OR2H1: variants seen among roughly 807,000 people sequenced by gnomAD.
OR2H1 encodes olfactory receptor family 2 subfamily H member 1, also known as olfactory receptor 2H1.
For synonymous variants in OR2H1, 155 were observed against 155.2 expected (o/e 1.00, Z 0.01); for missense variants, 380 against 367.3 (o/e 1.03, Z -0.28).
chr6:29,461,871 C>T lies in OR2H1; in HGVS notation c.102C>T (p.Leu34=), dbSNP rs1307975967. ...TLFVVVFTSY[L]LTLVGNTLII... is the part of the protein sequence containing the mutation. ...TTGTGGTTGTCTTCACTTCCTACCT[C>T]TTGACCCTGGTGGGCAACACACTCA... is the stretch of plus-strand genomic sequence containing the variant. Residue 34 remains leucine (L), a synonymous_variant, in exon 4 of 4, where the codon CTC becomes CTT. Transcript: ENST00000377133. 2.5e-6 allele frequency: 4 copies of T among 1,613,096 alleles called. No homozygotes were observed. The highest frequency in any genetic ancestry group is 3.4e-6 in the Non-Finnish European group (4 of 1,180,022).
At position 29,461,997 on chromosome 6, in the gene OR2H1, C is replaced by T; in HGVS notation, c.228C>T (p.Val76=). 1.2e-6 allele frequency: 2 copies of T among 1,613,262 alleles called. No individual in the cohort carries two copies. Among genetic ancestry groups the T allele is most frequent in the South Asian group, 1.1e-5 (1 of 91,076 alleles). ...FLDLCFTTSC[V]PQMLVNLWGP... is the part of the protein sequence containing the mutation. ...ACCTCTGCTTTACCACAAGTTGTGT[C>T]CCCCAGATGCTGGTCAACCTCTGGG... is the stretch of plus-strand genomic sequence containing the variant. Residue 76 remains valine, a synonymous_variant, in exon 4 of 4, where the codon GTC becomes GTT. Coordinates refer to ENST00000377133, the MANE Select transcript of OR2H1 (RefSeq NM_030883.5).
Position 29,462,016 on chromosome 6 carries a change from C to G in OR2H1, c.247C>G (p.Leu83Val). 6.2e-7 allele frequency: 1 copy of G among 1,613,358 alleles called. No homozygotes were observed. The highest frequency in any genetic ancestry group is 2.2e-5 in the East Asian group (1 of 44,872). The change falls in exon 4 of 4, where the codon CTC (leucine) becomes GTC (valine). Residue 83 changes from leucine to valine, a missense_variant. Physicochemically the swap from Leu to Val is conservative, Grantham distance 32. Transcript: ENST00000377133. ...TSCVPQMLVN[L>V]WGPKKTISFL... is the part of the protein sequence containing the mutation. ...TTGTGTCCCCCAGATGCTGGTCAACCTCTGGGGCCCAAAGAAGACCATCAG... is the reference window on the plus strand; with the variant it reads ...TTGTGTCCCCCAGATGCTGGTCAACGTCTGGGGCCCAAAGAAGACCATCAG...
intron 1 of OR2H1, 28 bp downstream of exon 1, chr6:29,457,235 A>G (rs919668277): frequency 1.3e-5 from 2 of 152,188 alleles, no homozygotes; most frequent in Non-Finnish European, 2.9e-5. Context: ...TACTTTGTGA[A>G]GGGGATATAA....
At chr6:29,461,153 A>G (rs1190789331) in intron 3 of OR2H1, 1 of 152,084 alleles carries the variant, frequency 6.6e-6, no homozygotes, top group Non-Finnish European at 1.5e-5. Context: ...TACCTCATTG[A>G]TTTTTCTATG....
Position 29,462,276 on chromosome 6 carries a change from C to A in OR2H1, c.507C>A (p.His169Gln). 1.2e-6 allele frequency: 2 copies of A among 1,613,322 alleles called. No homozygotes were observed. The highest frequency in any genetic ancestry group is 2.2e-5 in the South Asian group (2 of 91,084). The change falls in exon 4 of 4, where the codon CAC (histidine) becomes CAA (glutamine). Residue 169 changes from histidine to glutamine, a missense_variant. By Grantham distance (24) the His-to-Gln change is conservative. Coordinates refer to ENST00000377133, the MANE Select transcript of OR2H1 (RefSeq NM_030883.5). ...PSTLHLPFCP[H>Q]QQIDDFLCEV... is the part of the protein sequence containing the mutation. The stretch of plus-strand genomic sequence containing the variant: ...CCCTCCACTTGCCCTTCTGTCCCCA[C>A]CAGCAGATAGATGACTTTTTATGTG...
intron 3 of OR2H1, 132 bp downstream of exon 3, chr6:29,460,586 T>C (rs1344025080): frequency 6.6e-6 from 1 of 152,020 alleles, no homozygotes; most frequent in African/African-American, 2.4e-5. Flanking sequence ...TAAAAAAAAA[T>C]TCTATCTTAG....
intron 3 of OR2H1, 82 bp from the exon 4 acceptor site, chr6:29,461,413 G>A (rs1203242178): frequency 3.6e-6 from 1 of 281,250 alleles, no homozygotes; most frequent in Admixed American, 4.7e-5. Context: ...GAATAAGATA[G>A]AGCCTAACAA....
Position 29,462,936 on chromosome 6 carries a change from T to G in OR2H1, c.*216T>G. ...TCCATAAGGCACACAAATTCAAATATTATCATTCCTATCACTGTCCATTCT... is the reference window on the plus strand; with the variant it reads ...TCCATAAGGCACACAAATTCAAATAGTATCATTCCTATCACTGTCCATTCT... On this transcript the variant is annotated 3_prime_UTR_variant, in exon 4 of 4. Transcript: ENST00000377133. 1.7e-6 allele frequency: 1 copy of G among 579,124 alleles called. No homozygotes were observed. Among genetic ancestry groups the G allele is most frequent in the Non-Finnish European group, 3.1e-6 (1 of 319,134 alleles). 35.9% of individuals were successfully genotyped at this position (579,124 alleles called of 1,614,324 possible). A position where few individuals can be genotyped will look rare whatever the true frequency, so the allele number is the denominator to read the frequency against.
intron 2 of OR2H1, chr6:29,460,159 G>A (rs926025916): frequency 1.2e-4 from 18 of 151,938 alleles, no homozygotes; most frequent in African/African-American, 4.1e-4. Context: ...GAAATTATTG[G>A]CAAAACTATA....
intron 1 of OR2H1, 98 bp from the exon 2 acceptor site, chr6:29,458,356 G>A (rs928899110): frequency 1.2e-4 from 19 of 152,186 alleles, no homozygotes; most frequent in African/African-American, 3.1e-4. Flanking sequence ...AATATGAAGC[G>A]CTTTTTTGAG....
rs1402325911 is a variant in OR2H1 at position 29,462,303 on chromosome 6, G to A, written c.534G>A (p.Glu178=). 6.2e-6 allele frequency: 10 copies of A among 1,613,152 alleles called. No individual in the cohort carries two copies. The highest frequency in any genetic ancestry group is 8.5e-6 in the Non-Finnish European group (10 of 1,180,034). ...AGCAGATAGATGACTTTTTATGTGA[G>A]GTCCCATCTCTGATTCGACTCTCCT... ...PHQQIDDFLC[E]VPSLIRLSCG... is the part of the protein sequence containing the mutation. The change falls in exon 4 of 4, where the codon GAG becomes GAA. Residue 178 remains glutamate (E), a synonymous_variant. Transcript: ENST00000377133.
intron 2 of OR2H1, among the ~76,000 whole-genome samples, chr6:29,459,265 A>T (rs894582437): frequency 1.3e-5 from 2 of 152,170 alleles, no homozygotes; most frequent in African/African-American, 4.8e-5. Flanking sequence ...AATAGTGTTT[A>T]CTTCTTCAGT....
chr6:29,459,731 C>T (rs2151424303), intron 2 of OR2H1: 1 of 152,388 alleles, frequency 6.6e-6, no homozygotes, highest in South Asian at 2.1e-4. Flanking sequence ...TCTTACCTGC[C>T]AGGGTGGTGC....
Position 29,461,876 on chromosome 6 carries a change from C to A in OR2H1, c.107C>A (p.Thr36Asn). 1.2e-6 allele frequency: 2 copies of A among 1,613,042 alleles called. No homozygotes were observed. Among genetic ancestry groups the A allele is most frequent in the Non-Finnish European group, 8.5e-7 (1 of 1,179,998 alleles). ...FVVVFTSYLLTLVGNTLIILL... is the reference protein window; with the variant it reads ...FVVVFTSYLLNLVGNTLIILL... The stretch of plus-strand genomic sequence containing the variant: ...GTTGTCTTCACTTCCTACCTCTTGA[C>A]CCTGGTGGGCAACACACTCATCATC... Residue 36 changes from threonine to asparagine, a missense_variant, in exon 4 of 4, where the codon ACC becomes AAC. Transcript: ENST00000377133.
At position 29,463,980 on chromosome 6, in the gene OR2H1, A is replaced by G. The variant is rs934693937; in HGVS notation, c.*1260A>G. The G allele has an allele frequency of 1.8e-5, 3 of 166,614 alleles. No homozygotes were observed. Among genetic ancestry groups the G allele is most frequent in the Admixed American group, 6.5e-5 (1 of 15,270 alleles). 10.3% of individuals were successfully genotyped at this position (166,614 alleles called of 1,614,324 possible). A position where few individuals can be genotyped will look rare whatever the true frequency, so the allele number is the denominator to read the frequency against. The stretch of plus-strand genomic sequence containing the variant: ...AATGCCATCATCTTGGTGGTTTAGG[A>G]TTTCAACATATGAATTTTGGAAGGA... On this transcript the variant is annotated 3_prime_UTR_variant, in exon 4 of 4. Coordinates refer to ENST00000377133, the MANE Select transcript of OR2H1 (RefSeq NM_030883.5).
chr6:29,462,155 A>G lies in OR2H1; in HGVS notation c.386A>G (p.His129Arg). 2 of 1,613,304 alleles carry G rather than the reference A, an allele frequency of 1.2e-6. No individual in the cohort carries two copies. Among genetic ancestry groups the G allele is most frequent in the Non-Finnish European group, 1.7e-6 (2 of 1,179,946 alleles). Residue 129 changes from histidine to arginine, a missense_variant, in exon 4 of 4, where the codon CAC becomes CGC. Physicochemically the swap from His to Arg is conservative, Grantham distance 29. Coordinates refer to ENST00000377133, the MANE Select transcript of OR2H1 (RefSeq NM_030883.5). ...TACGTGGCTGTCTGCCAGCCCCTCCACTATGCCACCATCATCCACCCCCGC... is the reference window on the plus strand; with the variant it reads ...TACGTGGCTGTCTGCCAGCCCCTCCGCTATGCCACCATCATCCACCCCCGC... The part of the protein sequence containing the change: ...DRYVAVCQPL[H>R]YATIIHPRLC...
At chr6:29,459,155 G>A (rs972754139) in intron 2 of OR2H1, among the ~76,000 whole-genome samples, 1 of 152,182 alleles carries the variant, frequency 6.6e-6, no homozygotes, top group Non-Finnish European at 1.5e-5. Context: ...TGTAAGAAAT[G>A]CTGCAGTTTA....
In OR2H1 at chr6:29,464,028, CAT is replaced by C. The variant is rs1335114837; in HGVS notation, c.*1309_*1310del. On this transcript the variant is annotated 3_prime_UTR_variant, in exon 4 of 4. Transcript: ENST00000377133. ...GGACATAAGCATTCAACCCCCTGCA[CAT>C]GTCTTCTTTCCTACTTCCTCAAGGT... The C allele has an allele frequency of 6.0e-6, 1 of 167,046 alleles. No homozygotes were observed. Among genetic ancestry groups the C allele is most frequent in the East Asian group, 1.9e-4 (1 of 5,202 alleles). The allele number at this position is 167,046 out of a possible 1,614,324, so 10.3% of individuals were successfully genotyped here.
chr6:29,460,197 A>G (rs534912604), intron 2 of OR2H1: 1 of 151,940 alleles, frequency 6.6e-6, no homozygotes, highest in South Asian at 2.1e-4. Flanking sequence ...AAGTAATAAT[A>G]TTTTATTATT....
Sources: gnomAD v4.1 joint callset for allele counts (sites outside exome capture counted in the v4.1 genomes callset) on GRCh38, gnomAD v4.1.1 for gene constraint, MANE v1.5 for transcripts, NCBI Gene and HGNC (gene_info 2026-07-23, HGNC 2026-07-21) for gene names.